Variants in RDX observed in about 807,000 individuals in gnomAD.
RDX encodes the protein deafness, autosomal recessive 24.
In RDX, 32 loss-of-function variants were observed where a neutral mutation model predicts 83.7. The observed-to-expected ratio is 0.38, with a 90% CI of 0.29 to 0.51. The LOEUF (loss-of-function observed/expected upper bound fraction) is 0.51. RDX is among the 20% of genes least tolerant of loss of function. The pLI is 0.87. For missense variants in RDX, 600 were observed against 689.9 expected (o/e 0.87, Z 1.46); for synonymous variants, 229 against 222.7 (o/e 1.03, Z -0.25).
chr11:110,280,970 G>A (rs1395905889), intron 1 of RDX, among the ~76,000 whole-genome samples: 1 of 152,190 alleles, frequency 6.6e-6, no homozygotes, highest in Non-Finnish European at 1.5e-5. Flanking sequence ...TTTGAGACCA[G>A]CCTGGCCAAC....
intron 2 of RDX, 117 bp downstream of exon 2, chr11:110,279,564 G>C (rs1860667337): frequency 1.4e-6 from 1 of 725,218 alleles, no homozygotes; most frequent in South Asian, 1.6e-5. Flanking sequence ...AGAAATAACA[G>C]TAGTATCAGT....
chr11:110,175,781 T>C (rs1399031900), intron 15 of RDX, among the ~76,000 whole-genome samples: 1 of 152,266 alleles, frequency 6.6e-6, no homozygotes, highest in African/African-American at 2.4e-5. Context: ...ATTTGGTAAC[T>C]ACATGAAAAG....
At chr11:110,196,599 C>G (rs1363231748) in intron 15 of RDX, among the ~76,000 whole-genome samples, 1 of 152,190 alleles carries the variant, frequency 6.6e-6, no homozygotes. Flanking sequence ...AGCCACAGGG[C>G]GTGTGTGCTT....
At chr11:110,188,296 AAAT>A (rs34384486) in intron 15 of RDX, among the ~76,000 whole-genome samples, 2,718 of 142,440 alleles carry the variant, frequency 0.019, 36 homozygotes, top group African/African-American at 0.035. Context: ...CTCTGTCTCA[AAAT>A]AATAATAATA....
At chr11:110,273,715 T>C (rs1000136952) in intron 2 of RDX, among the ~76,000 whole-genome samples, 5 of 152,250 alleles carry the variant, frequency 3.3e-5, no homozygotes, top group Non-Finnish European at 7.3e-5. Context: ...AATATATCTT[T>C]TTAGCTTTTT....
At chr11:110,215,953 A>G (rs891069331) in intron 14 of RDX, among the ~76,000 whole-genome samples, 1 of 152,214 alleles carries the variant, frequency 6.6e-6, no homozygotes, top group African/African-American at 2.4e-5. Flanking sequence ...CCCAGGGTAC[A>G]GTTTGTTGAG....
chr11:110,217,374 G>A lies in RDX; in HGVS notation c.1748+14499C>T, dbSNP rs1052668651. On this transcript the variant is annotated intron_variant, in intron 14 of 15. Transcript: ENST00000528498. ...TTTCCTACTGGAAGTCAGTTCATTA[G>A]GGCAGGGACTTGGCTACTATGATAT... Among the ~76,000 whole-genome samples, 11 of 152,204 alleles carry A rather than the reference G, an allele frequency of 7.2e-5. No individual in the cohort carries two copies. In the South Asian group the frequency reaches 2.3e-3, roughly 32 times the overall value.
At chr11:110,224,097 C>G (rs1266477700) in intron 14 of RDX, among the ~76,000 whole-genome samples, 1 of 151,818 alleles carries the variant, frequency 6.6e-6, no homozygotes, top group East Asian at 1.9e-4. Context: ...GTTGTCACAG[C>G]CAGGAAATAA....
At position 110,209,429 on chromosome 11, in the gene RDX, C is replaced by T. The variant is rs578053670; in HGVS notation, c.1749-9751G>A. 1.3e-3 allele frequency among the ~76,000 whole-genome samples: 201 copies of T among 152,198 alleles called. 1 individual carries two copies. Among genetic ancestry groups the T allele is most frequent in the Admixed American group, 2.4e-3 (37 of 15,294 alleles). On this transcript the variant is annotated intron_variant, in intron 14 of 15. Coordinates refer to the RDX transcript ENST00000528498. ...GCTGGGGGAGGGGCGCCCGCCATTG[C>T]CCAGGCTTGATTAGGTAAACAAAGC...
At position 110,254,090 on chromosome 11, in the gene RDX, G is replaced by C; in HGVS notation, c.815C>G (p.Pro272Arg). 1 of 1,613,352 alleles carries C rather than the reference G, an allele frequency of 6.2e-7. No individual in the cohort carries two copies. The highest frequency in any genetic ancestry group is 1.1e-5 in the South Asian group (1 of 91,058). The change falls in exon 9 of 14, where the codon CCT becomes CGT. Residue 272 changes from proline (P) to arginine (R), a missense_variant. Transcript: ENST00000645495. ...KKAPDFVFYA[P>R]RLRINKRILA... Reference sequence around the variant, plus strand: ...AATCCGCTTATTGATTCTCAGACGAGGTGCATAAAACACAAAATCCTAAAC... The same window carrying C: ...AATCCGCTTATTGATTCTCAGACGACGTGCATAAAACACAAAATCCTAAAC...
At chr11:110,186,077 G>T (rs1319627683) in intron 15 of RDX, among the ~76,000 whole-genome samples, 2 of 152,180 alleles carry the variant, frequency 1.3e-5, no homozygotes, top group Admixed American at 6.5e-5. Flanking sequence ...ATCAGCTTTG[G>T]GCTTACACAG....
chr11:110,179,814 C>A, intron 15 of RDX: 1 of 388,258 alleles, frequency 2.6e-6, no homozygotes, highest in South Asian at 2.0e-5. Context: ...TTAAGTTGTA[C>A]CTGCAGATCC....
chr11:110,215,368 A>T (rs1310068433), intron 14 of RDX, among the ~76,000 whole-genome samples: 1 of 41,650 alleles, frequency 2.4e-5, no homozygotes, highest in Non-Finnish European at 5.3e-5. Flanking sequence ...ATCTCAAAAA[A>T]TAAATAAATA....
intron 14 of RDX, chr11:110,200,395 TAAAAC>T (rs1443275506): frequency 1.3e-5 from 2 of 152,224 alleles, no homozygotes; most frequent in African/African-American, 4.8e-5. Flanking sequence ...CCCTTAGAGA[TAAAAC>T]AAAGTCAGAA....
intron 1 of RDX, among the ~76,000 whole-genome samples, chr11:110,294,128 T>A (rs1287701712): frequency 6.6e-6 from 1 of 152,244 alleles, no homozygotes; most frequent in East Asian, 1.9e-4. Flanking sequence ...GCGCAGCGGC[T>A]CATGCCTGTA....
chr11:110,282,876 C>T (rs1332774769), intron 1 of RDX, among the ~76,000 whole-genome samples: 1 of 152,076 alleles, frequency 6.6e-6, no homozygotes, highest in Non-Finnish European at 1.5e-5. Context: ...ACTCAAGAGG[C>T]TAAGGCAGGA....
At position 110,238,001 on chromosome 11, in the gene RDX, G is replaced by A. The variant is rs556259806; in HGVS notation, c.1091-349C>T. ...TTCTGCAATTCAAGTTATGTAAAAA[G>A]GCTACAAGCACGTAACTATTTTATT... On this transcript the variant is annotated intron_variant, in intron 10 of 13. Transcript: ENST00000645495. The A allele has an allele frequency of 1.1e-4, 26 of 236,500 alleles. No individual in the cohort carries two copies. The South Asian group carries it at 1.4e-3, about 13-fold the overall frequency. The allele number at this position is 236,500 out of a possible 1,614,324, so 14.7% of individuals were successfully genotyped here.
At chr11:110,273,147 G>A (rs890898288) in intron 2 of RDX, 1 of 453,378 alleles carries the variant, frequency 2.2e-6, no homozygotes, top group Non-Finnish European at 4.4e-6. Context: ...AGGAGTTTGA[G>A]GGCTGCCGTG....
chr11:110,193,678 C>A (rs1018401114), intron 15 of RDX, among the ~76,000 whole-genome samples: 2 of 152,144 alleles, frequency 1.3e-5, no homozygotes, highest in African/African-American at 4.8e-5. Context: ...CCTTAGAAAT[C>A]ATTTAGTCCA....
Sources: allele counts gnomAD v4.1 joint callset (sites outside exome capture counted in the v4.1 genomes callset), GRCh38; gene constraint gnomAD v4.1.1; transcripts MANE v1.5; gene names NCBI Gene and HGNC (gene_info 2026-07-23, HGNC 2026-07-21).